The following LCK variants were observed in gnomAD, a reference collection of about 807,000 sequenced individuals.
The protein encoded by LCK is tyrosine-protein kinase Lck.
In LCK, 14 loss-of-function variants were observed where a neutral mutation model predicts 64.6. The observed-to-expected ratio is 0.22, with a 90% confidence interval of 0.14 to 0.34. LCK has a LOEUF of 0.34. Ranked by LOEUF, LCK falls within the 10% of genes least tolerant of loss-of-function variation. LCK has a pLI of 1.00. For synonymous variants in LCK, 277 were observed against 263.6 expected (o/e 1.05, Z -0.49); for missense variants, 434 against 668.1 (o/e 0.65, Z 3.86).
chr1:32,258,805 A>G (rs1639693416), intron 1 of LCK, among the ~76,000 whole-genome samples: 1 of 111,880 alleles, frequency 8.9e-6, no homozygotes, highest in Non-Finnish European at 1.6e-5. Context: ...CTCCGTCTCA[A>G]AAAAAAAAAA....
At chr1:32,274,960 C>G in intron 3 of LCK, 33 bp from the exon 4 acceptor site, 2 of 1,614,216 alleles carry the variant, frequency 1.2e-6, no homozygotes, top group Non-Finnish European at 1.7e-6. Context: ...CCGATCCCAG[C>G]TCGGTTCTCC....
intron 1 of LCK, among the ~76,000 whole-genome samples, chr1:32,273,193 T>C (rs1454138964): frequency 8.0e-6 from 1 of 125,412 alleles, no homozygotes; most frequent in Non-Finnish European, 1.7e-5. Context: ...GGTGAGTGTA[T>C]GTGTTTACTG....
At chr1:32,252,772 C>T (rs773433742) in intron 1 of LCK, among the ~76,000 whole-genome samples, 1 of 152,196 alleles carries the variant, frequency 6.6e-6, no homozygotes, top group Non-Finnish European at 1.5e-5. Flanking sequence ...GAGAAGGTGT[C>T]TCTTAAGATC....
chr1:32,255,796 A>ATTTTTTTTT (rs1363275909), intron 1 of LCK, among the ~76,000 whole-genome samples: 1 of 142,602 alleles, frequency 7.0e-6, no homozygotes, highest in African/African-American at 2.7e-5. Flanking sequence ...TACCCATTAA[A>ATTTTTTTTT]TTTATTTTTT....
chr1:32,273,833 G>A (rs1168102670), intron 1 of LCK, among the ~76,000 whole-genome samples: 1 of 152,122 alleles, frequency 6.6e-6, no homozygotes, highest in East Asian at 1.9e-4. Flanking sequence ...GACTTCGGGA[G>A]CAGAAGCCTC....
At chr1:32,252,044 C>T (rs1027938530) in intron 1 of LCK, among the ~76,000 whole-genome samples, 8 of 152,042 alleles carry the variant, frequency 5.3e-5, no homozygotes, top group Admixed American at 6.5e-5. Context: ...GTGGGGGTGT[C>T]CATCATCTGG....
At chr1:32,281,966 A>T (rs1166401018) in intron 12 of LCK, among the ~76,000 whole-genome samples, 1 of 152,162 alleles carries the variant, frequency 6.6e-6, no homozygotes, top group East Asian at 1.9e-4. Flanking sequence ...GATACTCAGG[A>T]GGCTGAGGCA....
At chr1:32,283,639 C>T (rs921391078) in intron 12 of LCK, among the ~76,000 whole-genome samples, 11 of 152,234 alleles carry the variant, frequency 7.2e-5, no homozygotes, top group South Asian at 6.2e-4. Flanking sequence ...AGGGAGGGAA[C>T]CAGCCCAAAG....
At chr1:32,260,099 A>G (rs1639730298) in intron 1 of LCK, among the ~76,000 whole-genome samples, 2 of 151,146 alleles carry the variant, frequency 1.3e-5, no homozygotes, top group African/African-American at 4.9e-5. Context: ...GCTGGAGTGC[A>G]GTCCCGGGTT....
In LCK at chr1:32,280,545, T is replaced by G. The variant is rs188277014; in HGVS notation, c.1327+335T>G. ...ATCTTGGATCACTGCAACCTCTGCC[T>G]CCTGGGTTCAAGTGATTCTCCTGCC... is the stretch of plus-strand genomic sequence containing the variant. On this transcript the variant is annotated intron_variant, in intron 12 of 12. Coordinates refer to ENST00000336890, the MANE Select transcript of LCK (RefSeq NM_005356.5). Among the ~76,000 whole-genome samples, 765 of 136,678 alleles carry G rather than the reference T, an allele frequency of 5.6e-3. 5 individuals are homozygous for G. Among genetic ancestry groups the G allele is most frequent in the African/African-American group, 0.02 (733 of 37,352 alleles). 89.7% of individuals were successfully genotyped at this position (136,678 alleles called of 152,430 possible).
At chr1:32,282,368 G>A (rs926043325) in intron 12 of LCK, among the ~76,000 whole-genome samples, 1 of 152,208 alleles carries the variant, frequency 6.6e-6, no homozygotes, top group African/African-American at 2.4e-5. Context: ...TGGTAAACTT[G>A]CAGCTGCTCC....
chr1:32,274,565 G>C, intron 2 of LCK, 131 bp downstream of exon 2: 5 of 895,904 alleles, frequency 5.6e-6, no homozygotes, highest in Non-Finnish European at 8.5e-6. Flanking sequence ...GAAAGGAAAA[G>C]AGGCCCAGAG....
chr1:32,281,280 A>C (rs72668519), intron 12 of LCK, among the ~76,000 whole-genome samples: 9,563 of 151,042 alleles, frequency 0.063, 602 homozygotes, highest in African/African-American at 0.15. Flanking sequence ...CAAAAAAAAA[A>C]AAACAAACAA....
intron 1 of LCK, among the ~76,000 whole-genome samples, chr1:32,255,805 T>TA (rs1451735462): frequency 9.4e-5 from 14 of 149,118 alleles, no homozygotes; most frequent in African/African-American, 2.5e-4. Flanking sequence ...AATTTATTTT[T>TA]TTTTTTTTTT....
At chr1:32,274,566 A>C (rs1296343964) in intron 2 of LCK, 132 bp downstream of exon 2, 1 of 896,306 alleles carries the variant, frequency 1.1e-6, no homozygotes, top group Non-Finnish European at 1.7e-6. Flanking sequence ...AAAGGAAAAG[A>C]GGCCCAGAGA....
Position 32,276,143 on chromosome 1 carries a change from T to A in LCK, c.631+80T>A. The stretch of plus-strand genomic sequence containing the variant: ...CCCCTCAGGTGTCCCCCATCCATCT[T>A]TCAATGCCCTACTCCATTCCCCGCA... On this transcript the variant is annotated intron_variant, in intron 7 of 12. Coordinates refer to ENST00000336890, the MANE Select transcript of LCK (RefSeq NM_005356.5). This position sits in a 1 kb window ranked among gnomAD's most constrained non-coding sequence, Gnocchi z 4.6. 6.5e-7 allele frequency: 1 copy of A among 1,544,500 alleles called. No individual in the cohort carries two copies. The highest frequency in any genetic ancestry group is 1.1e-5 in the South Asian group (1 of 87,268).
chr1:32,259,983 G>A (rs893346248), intron 1 of LCK, among the ~76,000 whole-genome samples: 1 of 151,740 alleles, frequency 6.6e-6, no homozygotes, highest in Non-Finnish European at 1.5e-5. Flanking sequence ...CTGGGTCGGG[G>A]CAAAGGCGAA....
At chr1:32,259,684 C>T (rs545450688) in intron 1 of LCK, among the ~76,000 whole-genome samples, 220 of 151,810 alleles carry the variant, frequency 1.4e-3, no homozygotes, top group Middle Eastern at 3.4e-3. Context: ...GTGGCACATG[C>T]CTGTTGTCCC....
intron 1 of LCK, among the ~76,000 whole-genome samples, chr1:32,253,860 C>G (rs1639567337): frequency 6.6e-6 from 1 of 152,048 alleles, no homozygotes; most frequent in African/African-American, 2.4e-5. Flanking sequence ...GACACACACA[C>G]ACACACACAC....
Sources: gnomAD v4.1 joint callset for allele counts (sites outside exome capture counted in the v4.1 genomes callset) on GRCh38, gnomAD v4.1.1 for gene constraint, Gnocchi (gnomAD v3.1) non-coding constraint, MANE v1.5 for transcripts, NCBI Gene and HGNC (gene_info 2026-07-23, HGNC 2026-07-21) for gene names.